The following CDH4 variants were observed in gnomAD, a reference collection of about 807,000 sequenced individuals.
CDH4 encodes cadherin 4, also known as cadherin-4.
In CDH4, 33 loss-of-function variants were observed where a neutral mutation model predicts 86.0. The ratio of observed to expected loss-of-function variants is 0.38; its 90% confidence interval spans 0.29 to 0.51. The LOEUF is 0.51. CDH4 is among the 20% of genes least tolerant of loss of function. The pLI, the probability that CDH4 is intolerant of heterozygous loss-of-function variation, is 0.86. For synonymous variants in CDH4, 555 were observed against 549.4 expected, an observed-to-expected ratio of 1.01 and a Z score of -0.14; for missense variants, 1,114 against 1,307.4, an observed-to-expected ratio of 0.85 and a Z score of 2.28.
At chr20:61,366,833 C>T (rs112475874) in intron 2 of CDH4, among the ~76,000 whole-genome samples, 26,761 of 152,180 alleles carry the variant, frequency 0.18, 3,036 homozygotes, top group East Asian at 0.36. Context: ...TGTTTATGGC[C>T]AGTTTGGGGG....
In CDH4 at chr20:61,741,737, C is replaced by T. The variant is rs533774147; in HGVS notation, c.170-1826C>T. Among the ~76,000 whole-genome samples the T allele has an allele frequency of 5.7e-4, 86 of 152,182 alleles. 1 individual carries two copies. In the South Asian group the frequency reaches 0.017, roughly 29 times the overall value. On this transcript the variant is annotated intron_variant, in intron 2 of 15. Transcript: ENST00000614565. ...CGATCCCCTGACCTCGTGATCCACCCTCCTCGGCCTCCCAAAGTGCTGTTG... is the reference window on the plus strand; with the variant it reads ...CGATCCCCTGACCTCGTGATCCACCTTCCTCGGCCTCCCAAAGTGCTGTTG...
At chr20:61,545,663 C>G (rs571915571) in intron 2 of CDH4, among the ~76,000 whole-genome samples, 1 of 152,214 alleles carries the variant, frequency 6.6e-6, no homozygotes, top group Admixed American at 6.5e-5. Context: ...TCAAGAGAAC[C>G]GGAGGCTTTG....
chr20:61,933,097 C>A lies in CDH4; in HGVS notation c.2352C>A (p.Asp784Glu), dbSNP rs753421589. 2 of 1,613,060 alleles carry A rather than the reference C, an allele frequency of 1.2e-6. No individual in the cohort carries two copies. Among genetic ancestry groups the A allele is most frequent in the Non-Finnish European group, 8.5e-7 (1 of 1,179,940 alleles). Residue 784 changes from aspartate to glutamate, a missense_variant, in exon 14 of 16, where the codon GAC (aspartate) becomes GAA (glutamate). Coordinates refer to ENST00000614565, the MANE Select transcript of CDH4 (RefSeq NM_001794.5). Reference sequence around the variant, plus strand: ...TCCGCGACAACATCCTCAAGTATGACGAGGAAGGCGGTGGCGAGGAGGACC... The same window carrying A: ...TCCGCGACAACATCCTCAAGTATGAAGAGGAAGGCGGTGGCGAGGAGGACC... ...DDVRDNILKY[D>E]EEGGGEEDQD...
intron 6 of CDH4, among the ~76,000 whole-genome samples, chr20:61,872,032 T>C (rs1983826922): frequency 6.7e-6 from 1 of 148,684 alleles, no homozygotes; most frequent in African/African-American, 2.5e-5. Context: ...GAGGGCGAGG[T>C]GGGGGAGGGG....
At chr20:61,790,190 TCCACTCAACCATCCAC>T (rs1188498890) in intron 4 of CDH4, among the ~76,000 whole-genome samples, 6 of 151,656 alleles carry the variant, frequency 4.0e-5, no homozygotes, top group East Asian at 3.9e-4. Context: ...CATCCATCCA[TCCACTCAACCATCCAC>T]CCATCCATCC....
chr20:61,646,988 C>T (rs539686191), intron 2 of CDH4, among the ~76,000 whole-genome samples: 6 of 152,338 alleles, frequency 3.9e-5, no homozygotes, highest in Non-Finnish European at 7.3e-5. Context: ...AGGGAGTGGG[C>T]TCTCGAGCGT....
intron 2 of CDH4, among the ~76,000 whole-genome samples, chr20:61,273,368 G>A (rs1451216407): frequency 2.9e-5 from 4 of 136,670 alleles, no homozygotes; most frequent in Non-Finnish European, 4.7e-5. Flanking sequence ...AGTACCGTGT[G>A]CAGTTTAGGG....
intron 2 of CDH4, among the ~76,000 whole-genome samples, chr20:61,332,699 G>A (rs1005365128): frequency 1.3e-5 from 2 of 152,234 alleles, no homozygotes; most frequent in Non-Finnish European, 2.9e-5. Flanking sequence ...TCCTCCCTGG[G>A]GGTGTGAGCA....
intron 2 of CDH4, among the ~76,000 whole-genome samples, chr20:61,270,836 G>A (rs561005362): frequency 2.6e-5 from 4 of 152,188 alleles, no homozygotes; most frequent in East Asian, 1.9e-4. Context: ...CGGGGAGGTC[G>A]AGGCAGCTCT....
At chr20:61,394,953 G>GCGCT (rs985248149) in intron 2 of CDH4, among the ~76,000 whole-genome samples, 1 of 144,262 alleles carries the variant, frequency 6.9e-6, no homozygotes, top group Non-Finnish European at 1.5e-5. Flanking sequence ...TCCTGGAAAA[G>GCGCT]CGCTCCCTGA....
chr20:61,764,287 G>A (rs1421165230), intron 3 of CDH4, among the ~76,000 whole-genome samples: 5 of 152,240 alleles, frequency 3.3e-5, no homozygotes, highest in African/African-American at 1.2e-4. Context: ...GAACCCCGGG[G>A]CCACCGACTT....
At chr20:61,301,703 A>C (rs946374483) in intron 2 of CDH4, among the ~76,000 whole-genome samples, 1 of 152,228 alleles carries the variant, frequency 6.6e-6, no homozygotes, top group African/African-American at 2.4e-5. Flanking sequence ...TTACACATCA[A>C]AATATTTCAG....
intron 2 of CDH4, among the ~76,000 whole-genome samples, chr20:61,371,449 G>A (rs796391921): frequency 1.3e-5 from 2 of 152,226 alleles, no homozygotes; most frequent in East Asian, 1.9e-4. Context: ...CGCTGCGGAC[G>A]TGTTTTCACC....
intron 2 of CDH4, among the ~76,000 whole-genome samples, chr20:61,629,786 C>T (rs1372886987): frequency 1.3e-5 from 2 of 152,204 alleles, no homozygotes; most frequent in Non-Finnish European, 2.9e-5. Context: ...CGGTGCCCAG[C>T]GTGTCCAGGT....
chr20:61,328,304 T>C (rs1399800190), intron 2 of CDH4, among the ~76,000 whole-genome samples: 2 of 152,028 alleles, frequency 1.3e-5, no homozygotes, highest in Non-Finnish European at 2.9e-5. Flanking sequence ...GCCTCCCGAG[T>C]AGCTAGGACT....
At chr20:61,338,668 A>G (rs1463581830) in intron 2 of CDH4, among the ~76,000 whole-genome samples, 1 of 152,222 alleles carries the variant, frequency 6.6e-6, no homozygotes, top group Non-Finnish European at 1.5e-5. Flanking sequence ...TATTTGTAAT[A>G]ATAATACCAA....
chr20:61,620,330 GGATA>G (rs375953500), intron 2 of CDH4, among the ~76,000 whole-genome samples: 1,614 of 150,894 alleles, frequency 0.011, 36 homozygotes, highest in Admixed American at 0.029. Context: ...ATGGATGGAT[GGATA>G]GATGGATGGA....
intron 2 of CDH4, among the ~76,000 whole-genome samples, chr20:61,700,481 A>T (rs1314724145): frequency 6.6e-6 from 1 of 152,140 alleles, no homozygotes; most frequent in Non-Finnish European, 1.5e-5. Flanking sequence ...CGCATGACAG[A>T]AGTTCCTTGG....
chr20:61,352,361 A>G (rs561217593), intron 2 of CDH4, among the ~76,000 whole-genome samples: 9 of 152,314 alleles, frequency 5.9e-5, no homozygotes, highest in African/African-American at 2.2e-4. Flanking sequence ...TTATTTAGTC[A>G]TTTTTGGTGA....
Sources: gnomAD v4.1 joint callset for allele counts (sites outside exome capture counted in the v4.1 genomes callset) on GRCh38, gnomAD v4.1.1 for gene constraint, MANE v1.5 for transcripts, NCBI Gene and HGNC (gene_info 2026-07-23, HGNC 2026-07-21) for gene names.